Variants in UBASH3A observed in about 807,000 individuals in gnomAD.
The protein encoded by UBASH3A is ubiquitin associated and SH3 domain containing A, also known as ubiquitin-associated and SH3 domain-containing protein A.
Under a neutral mutation model 73.5 loss-of-function variants are expected in UBASH3A, and 63 were observed. The observed-to-expected ratio is 0.86, with a 90% CI of 0.70 to 1.06. The LOEUF is 1.06. Ranked by LOEUF, UBASH3A falls within the 50% of genes least tolerant of loss-of-function variation. The pLI, the probability that UBASH3A is intolerant of heterozygous loss-of-function variation, is 0.00. For synonymous variants in UBASH3A, 363 were observed against 351.1 expected (o/e 1.03, Z -0.38); for missense variants, 860 against 859.0 (o/e 1.00, Z -0.02).
At chr21:42,434,809 T>C (rs924629444) in intron 9 of UBASH3A, 23 bp from the exon 10 acceptor site, 2 of 1,606,670 alleles carry the variant, frequency 1.2e-6, no homozygotes, top group Non-Finnish European at 8.5e-7. Context: ...AAACTGAACG[T>C]CTGATGCTTA....
chr21:42,432,006 T>C (rs903750522), intron 8 of UBASH3A, 97 bp from the exon 9 acceptor site: 2 of 692,360 alleles, frequency 2.9e-6, no homozygotes, highest in Non-Finnish European at 5.2e-6. Context: ...AAAGATTCCC[T>C]CGCAGTTGCT....
chr21:42,433,226 G>A (rs2053566897), intron 9 of UBASH3A, among the ~76,000 whole-genome samples: 1 of 152,204 alleles, frequency 6.6e-6, no homozygotes, highest in Non-Finnish European at 1.5e-5. Context: ...AAGGTAGAGA[G>A]GCCCTTGATA....
At chr21:42,407,144 G>A (rs1321876241) in intron 2 of UBASH3A, among the ~76,000 whole-genome samples, 1 of 152,132 alleles carries the variant, frequency 6.6e-6, no homozygotes, top group Non-Finnish European at 1.5e-5. Flanking sequence ...TCTCTGCTCT[G>A]GGGATGGAGA....
At chr21:42,445,535 C>A (rs1412978875) in intron 14 of UBASH3A, among the ~76,000 whole-genome samples, 1 of 152,226 alleles carries the variant, frequency 6.6e-6, no homozygotes, top group Non-Finnish European at 1.5e-5. Context: ...GAGCCCAACT[C>A]CCGGGCCCAG....
chr21:42,423,140 C>G (rs373685373), intron 7 of UBASH3A, among the ~76,000 whole-genome samples: 10 of 152,304 alleles, frequency 6.6e-5, no homozygotes, highest in Admixed American at 1.3e-4. Flanking sequence ...CATACCATGG[C>G]GTGCGCTGTG....
intron 11 of UBASH3A, among the ~76,000 whole-genome samples, chr21:42,440,762 G>A (rs146198935): frequency 2.6e-4 from 39 of 152,170 alleles, no homozygotes; most frequent in African/African-American, 9.2e-4. Flanking sequence ...GAAAACCTTC[G>A]TCTTTCTTTC....
At chr21:42,410,409 C>A in intron 3 of UBASH3A, 1 of 538,360 alleles carries the variant, frequency 1.9e-6, no homozygotes, top group South Asian at 2.8e-5. Context: ...GCCCAAGGAA[C>A]CCTCCATTCC....
intron 13 of UBASH3A, among the ~76,000 whole-genome samples, 189 bp downstream of exon 13, chr21:42,443,607 C>T (rs1052071712): frequency 8.6e-5 from 13 of 151,858 alleles, no homozygotes; most frequent in Admixed American, 8.5e-4. Flanking sequence ...CACAGACACA[C>T]ACTCCCCTGC....
At position 42,437,566 on chromosome 21, in the gene UBASH3A, A is replaced by T. The variant is rs780598891; in HGVS notation, c.1472A>T (p.Lys491Ile). The T allele has an allele frequency of 3.1e-6, 5 of 1,613,982 alleles. No individual in the cohort carries two copies. The highest frequency in any genetic ancestry group is 2.5e-6 in the Non-Finnish European group (3 of 1,179,958). ...GCCCTCCGCTGTGTGCAGACGGCCA[A>T]ACTCATCCTGGAAGGTCAGTGAGAA... ...SPALRCVQTA[K>I]LILEELKLEK... The change falls in exon 11 of 15, where the codon AAA becomes ATA. Residue 491 changes from lysine to isoleucine, a missense_variant. Physicochemically the swap from Lys to Ile is moderately radical, Grantham distance 102. Coordinates refer to ENST00000319294, the MANE Select transcript of UBASH3A (RefSeq NM_018961.4).
intron 7 of UBASH3A, among the ~76,000 whole-genome samples, chr21:42,425,847 A>G (rs2053425671): frequency 6.6e-6 from 1 of 152,172 alleles, no homozygotes; most frequent in Non-Finnish European, 1.5e-5. Flanking sequence ...GGATAAATAG[A>G]AACATGCCCT....
chr21:42,436,132 T>C (rs1244589477), intron 10 of UBASH3A, among the ~76,000 whole-genome samples: 1 of 152,098 alleles, frequency 6.6e-6, no homozygotes, highest in African/African-American at 2.4e-5. Context: ...TACAGAGTTA[T>C]AGAGTTAATT....
Position 42,444,519 on chromosome 21 carries a change from T to C in UBASH3A, c.1739-15T>C. 6.2e-7 allele frequency: 1 copy of C among 1,604,328 alleles called. No homozygotes were observed. The highest frequency in any genetic ancestry group is 8.5e-7 in the Non-Finnish European group (1 of 1,174,294). On this transcript the variant is annotated splice_polypyrimidine_tract_variant and intron_variant, in intron 13 of 14. Transcript: ENST00000319294. ...TGGGGCTGCTTTGACCTGGAGGTGTTCTTGTTTTCCACAGCGGGTGTCATC... is the reference window on the plus strand; with the variant it reads ...TGGGGCTGCTTTGACCTGGAGGTGTCCTTGTTTTCCACAGCGGGTGTCATC...
At chr21:42,442,364 G>T in intron 11 of UBASH3A, 88 bp from the exon 12 acceptor site, 1 of 1,339,200 alleles carries the variant, frequency 7.5e-7, no homozygotes, top group South Asian at 1.3e-5. Context: ...ACGTGTGTGT[G>T]ACGGTCTGAG....
At chr21:42,426,624 G>C in intron 7 of UBASH3A, 73 bp from the exon 8 acceptor site, 1 of 1,569,680 alleles carries the variant, frequency 6.4e-7, no homozygotes, top group South Asian at 1.2e-5. Flanking sequence ...GTACATACAT[G>C]ACCAGATGCT....
intron 7 of UBASH3A, among the ~76,000 whole-genome samples, chr21:42,423,582 G>A (rs753082309): frequency 6.6e-5 from 10 of 152,144 alleles, no homozygotes; most frequent in African/African-American, 9.7e-5. Context: ...CTCTCTGCCC[G>A]GGATGGGAGA....
intron 7 of UBASH3A, among the ~76,000 whole-genome samples, chr21:42,425,240 T>C (rs1482876359): frequency 6.6e-6 from 1 of 152,248 alleles, no homozygotes; most frequent in Non-Finnish European, 1.5e-5. Context: ...AATGCTAAGC[T>C]CTTTTCTTTC....
At chr21:42,447,001 T>C (rs1209882892) in intron 14 of UBASH3A, 56 bp from the exon 15 acceptor site, 2 of 1,572,790 alleles carry the variant, frequency 1.3e-6, no homozygotes, top group African/African-American at 2.7e-5. Context: ...GGAGCTAGTC[T>C]GAAATTGATG....
intron 8 of UBASH3A, among the ~76,000 whole-genome samples, chr21:42,428,141 C>A (rs1249686467): frequency 6.6e-6 from 1 of 152,164 alleles, no homozygotes; most frequent in Non-Finnish European, 1.5e-5. Context: ...AGAGAGAGGC[C>A]TCAAAAGGAA....
intron 2 of UBASH3A, among the ~76,000 whole-genome samples, chr21:42,408,837 T>G (rs1601555168): frequency 6.7e-6 from 1 of 149,972 alleles, no homozygotes; most frequent in East Asian, 2.0e-4. Context: ...GAGCTGAGAT[T>G]GTGCCACTGC....
Sources: gnomAD v4.1 joint callset for allele counts (sites outside exome capture counted in the v4.1 genomes callset) on GRCh38, gnomAD v4.1.1 for gene constraint, MANE v1.5 for transcripts, NCBI Gene and HGNC (gene_info 2026-07-23, HGNC 2026-07-21) for gene names.